The following PGRMC2 variants were observed in gnomAD, a reference collection of about 807,000 sequenced individuals.
The protein encoded by PGRMC2 is membrane-associated progesterone receptor component 2.
Under a neutral mutation model 19.3 loss-of-function variants are expected in PGRMC2, and 9 were observed. The ratio of observed to expected loss-of-function variants is 0.47; its 90% CI spans 0.28 to 0.81. PGRMC2 has a LOEUF of 0.81. PGRMC2 is among the 40% of genes least tolerant of loss of function. PGRMC2 has a pLI of 0.11. For synonymous variants in PGRMC2, 157 were observed against 124.6 expected, an observed-to-expected ratio of 1.26 and a Z score of -1.73; for missense variants, 289 against 297.3, an observed-to-expected ratio of 0.97 and a Z score of 0.21.
intron 1 of PGRMC2, among the ~76,000 whole-genome samples, chr4:128,278,260 G>T (rs1235417190): frequency 6.6e-6 from 1 of 152,120 alleles, no homozygotes; most frequent in African/African-American, 2.4e-5. Context: ...AGGAAAAAGG[G>T]ATTATTCCCC....
intron 1 of PGRMC2, chr4:128,286,706 TC>T (rs1234533629): frequency 6.5e-5 from 26 of 398,426 alleles, no homozygotes; most frequent in Non-Finnish European, 1.1e-4. Flanking sequence ...TCTGTTCTCA[TC>T]CCACATACCT....
At chr4:128,287,230 G>T (rs1179566619) in intron 1 of PGRMC2, 143 bp downstream of exon 1, 2 of 882,516 alleles carry the variant, frequency 2.3e-6, no homozygotes, top group South Asian at 3.6e-5. Context: ...GGGATGGGCC[G>T]TCCCAGGTGC....
chr4:128,274,211 A>G (rs1760772054), intron 1 of PGRMC2, among the ~76,000 whole-genome samples: 2 of 152,294 alleles, frequency 1.3e-5, no homozygotes, highest in South Asian at 4.1e-4. Flanking sequence ...TTTTTCTATC[A>G]TCTCAACTGA....
In PGRMC2 at chr4:128,269,867, A is replaced by G. The variant is rs1001494840; in HGVS notation, c.*1449T>C. ...CCACCTGGAGTGCTAATTGTCTAGT[A>G]TAATCAGTTGGCATCAAAATAGAAA... On this transcript the variant is annotated 3_prime_UTR_variant, in exon 3 of 3. Transcript: ENST00000296425. 2.6e-5 allele frequency: 4 copies of G among 152,292 alleles called. No homozygotes were observed. The highest frequency in any genetic ancestry group is 9.6e-5 in the African/African-American group (4 of 41,452). The allele number at this position is 152,292 out of a possible 1,614,324, so 9.4% of individuals were successfully genotyped here.
At chr4:128,272,607 A>C in intron 1 of PGRMC2, 90 bp from the exon 2 acceptor site, 1 of 793,866 alleles carries the variant, frequency 1.3e-6, no homozygotes, top group Non-Finnish European at 1.8e-6. Context: ...AAAAAAACAC[A>C]ACAAAGAAAA....
chr4:128,271,444 TG>T, intron 2 of PGRMC2, 31 bp from the exon 3 acceptor site: 1 of 1,187,398 alleles, frequency 8.4e-7, no homozygotes, highest in South Asian at 1.2e-5. Context: ...AAATCAGTGG[TG>T]ATCAAATTTG....
At chr4:128,277,113 C>T (rs1760825692) in intron 1 of PGRMC2, among the ~76,000 whole-genome samples, 1 of 152,056 alleles carries the variant, frequency 6.6e-6, no homozygotes, top group Non-Finnish European at 1.5e-5. Flanking sequence ...GCTGAGATCT[C>T]GCCACTGCAC....
chr4:128,274,629 GGA>G (rs759930033), intron 1 of PGRMC2, among the ~76,000 whole-genome samples: 1 of 151,574 alleles, frequency 6.6e-6, no homozygotes, highest in African/African-American at 2.4e-5. Flanking sequence ...AGGAGGACAA[GGA>G]GAGAGACAGA....
rs1760723600 is a variant in PGRMC2 at position 128,271,220 on chromosome 4, G to A, written c.*96C>T. 5 of 573,724 alleles carry A rather than the reference G, an allele frequency of 8.7e-6. No individual in the cohort carries two copies. Among genetic ancestry groups the A allele is most frequent in the African/African-American group, 3.8e-5 (2 of 52,418 alleles). The allele number at this position is 573,724 out of a possible 1,614,324, so 35.5% of individuals were successfully genotyped here. On this transcript the variant is annotated 3_prime_UTR_variant, in exon 3 of 3. Coordinates refer to ENST00000296425, the MANE Select transcript of PGRMC2 (RefSeq NM_006320.6). ...GTACACAATTTGTTGAATGTTTTTCGCAGCAGGTGAATCAAACCCAAAGAC... is the reference window on the plus strand; with the variant it reads ...GTACACAATTTGTTGAATGTTTTTCACAGCAGGTGAATCAAACCCAAAGAC...
At chr4:128,273,267 A>C (rs1760759637) in intron 1 of PGRMC2, among the ~76,000 whole-genome samples, 1 of 152,214 alleles carries the variant, frequency 6.6e-6, no homozygotes, top group Non-Finnish European at 1.5e-5. Context: ...CTGGACTGAC[A>C]CATTAAGCAA....
rs776883654 is a variant in PGRMC2, at chr4:128,272,404, C to T, written c.532G>A (p.Val178Ile). Residue 178 changes from valine (V) to isoleucine (I), a missense_variant, in exon 2 of 3, where the codon GTA (valine) becomes ATA (isoleucine). Transcript: ENST00000296425. ...CATTCTCGAACACTCTCCATTTGTA[C>T]TGCATTCAAATCTGAGAGATCATCA... ...EYDDLSDLNA[V>I]QMESVREWEM... 6.3e-7 allele frequency: 1 copy of T among 1,575,046 alleles called. No individual in the cohort carries two copies. The highest frequency in any genetic ancestry group is 8.6e-7 in the Non-Finnish European group (1 of 1,163,666).
rs927345951 is a variant in PGRMC2 at position 128,270,344 on chromosome 4, A to G, written c.*972T>C. 1 of 152,496 alleles carries G rather than the reference A, an allele frequency of 6.6e-6. No individual in the cohort carries two copies. Among genetic ancestry groups the G allele is most frequent in the African/African-American group, 2.4e-5 (1 of 41,398 alleles). The allele number at this position is 152,496 out of a possible 1,614,324, so 9.4% of individuals were successfully genotyped here. A position where few individuals can be genotyped will look rare whatever the true frequency, so the allele number is the denominator to read the frequency against. ...GGGATAAGAGTTGATTTGTTTTTCAATTTTTTTGAAAACAGAAAAGCATGG... is the reference window on the plus strand; with the variant it reads ...GGGATAAGAGTTGATTTGTTTTTCAGTTTTTTTGAAAACAGAAAAGCATGG... On this transcript the variant is annotated 3_prime_UTR_variant, in exon 3 of 3. Transcript: ENST00000296425.
chr4:128,277,678 TTA>T lies in PGRMC2; in HGVS notation c.419-5163_419-5162del, dbSNP rs1418492990. Reference sequence around the variant, plus strand: ...ATTGGGTAATTTATTTCAAATAAGATTATAATCAGCCTATCAACAAATGAGGC... The same window carrying T: ...ATTGGGTAATTTATTTCAAATAAGATTAATCAGCCTATCAACAAATGAGGC... On this transcript the variant is annotated intron_variant, in intron 1 of 2. Transcript: ENST00000296425. Among the ~76,000 whole-genome samples, 3 of 152,330 alleles carry T rather than the reference TTA, an allele frequency of 2.0e-5. No individual in the cohort carries two copies. In the East Asian group the frequency reaches 5.8e-4, roughly 29 times the overall value.
chr4:128,280,651 G>C (rs1409571207), intron 1 of PGRMC2, among the ~76,000 whole-genome samples: 1 of 152,130 alleles, frequency 6.6e-6, no homozygotes, highest in Non-Finnish European at 1.5e-5. Flanking sequence ...CTGTCACCCA[G>C]GTTGAGTGCA....
chr4:128,270,633 G>A lies in PGRMC2; in HGVS notation c.*683C>T, dbSNP rs1760712999. On this transcript the variant is annotated 3_prime_UTR_variant, in exon 3 of 3. Transcript: ENST00000296425. The stretch of plus-strand genomic sequence containing the variant: ...TTGATTTGATTTAGGGAAAGGGAAG[G>A]AAAGAGAAGGGATAAAAACTGGTTT... 6.6e-6 allele frequency: 1 copy of A among 152,634 alleles called. No homozygotes were observed. Among genetic ancestry groups the A allele is most frequent in the African/African-American group, 2.4e-5 (1 of 41,440 alleles). 9.5% of individuals were successfully genotyped at this position (152,634 alleles called of 1,614,324 possible). A position where few individuals can be genotyped will look rare whatever the true frequency, so the allele number is the denominator to read the frequency against.
intron 2 of PGRMC2, 49 bp from the exon 3 acceptor site, chr4:128,271,462 T>C: frequency 1.1e-6 from 1 of 904,888 alleles, no homozygotes; most frequent in Non-Finnish European, 1.8e-6. Flanking sequence ...TTTGTTTCAC[T>C]ATTCCATTAT....
chr4:128,285,459 G>A (rs1385890950), intron 1 of PGRMC2, among the ~76,000 whole-genome samples: 5 of 152,166 alleles, frequency 3.3e-5, no homozygotes, highest in African/African-American at 1.2e-4. Context: ...CAGAACAAAC[G>A]TTTGCCACTG....
chr4:128,283,539 A>G (rs968266659), intron 1 of PGRMC2, among the ~76,000 whole-genome samples: 1 of 152,232 alleles, frequency 6.6e-6, no homozygotes, highest in Non-Finnish European at 1.5e-5. Flanking sequence ...TCAGCACTTT[A>G]TATGTGGCTA....
intron 1 of PGRMC2, among the ~76,000 whole-genome samples, chr4:128,280,435 T>C (rs1292929811): frequency 2.8e-5 from 4 of 143,432 alleles, no homozygotes; most frequent in Admixed American, 7.0e-5. Flanking sequence ...ATCAAATCCA[T>C]ACCTGGACAA....
Sources: allele counts gnomAD v4.1 joint callset (sites outside exome capture counted in the v4.1 genomes callset), GRCh38; gene constraint gnomAD v4.1.1; transcripts MANE v1.5; gene names NCBI Gene and HGNC (gene_info 2026-07-23, HGNC 2026-07-21).